ERCC8: variants seen among roughly 807,000 people sequenced by gnomAD.
ERCC8 encodes the protein DNA excision repair protein ERCC-8.
Under a neutral mutation model 54.9 loss-of-function variants are expected in ERCC8, and 52 were observed. The observed-to-expected ratio is 0.95, with a 90% CI of 0.76 to 1.19. ERCC8 has a LOEUF of 1.19. Ranked by LOEUF, ERCC8 falls within the 50% of genes most tolerant of loss-of-function variation. The probability of loss-of-function intolerance (pLI) is 0.00; values close to 1 mark genes in which losing one functional copy is unlikely to be tolerated. For synonymous variants in ERCC8, 146 were observed against 157.2 expected (o/e 0.93, Z 0.53); for missense variants, 514 against 466.1 (o/e 1.10, Z -0.95).
chr5:60,876,257 A>G (rs1003067159), intron 11 of ERCC8, among the ~76,000 whole-genome samples: 1 of 152,048 alleles, frequency 6.6e-6, no homozygotes, highest in Non-Finnish European at 1.5e-5. Flanking sequence ...TATGTGCCAC[A>G]TTTTCTTAAT....
intron 11 of ERCC8, among the ~76,000 whole-genome samples, chr5:60,878,969 C>G (rs936833376): frequency 6.6e-5 from 10 of 151,702 alleles, no homozygotes; most frequent in African/African-American, 2.2e-4. Flanking sequence ...TTAGGGTGTC[C>G]ATTTTAGATC....
At chr5:60,892,105 G>A in intron 9 of ERCC8, 1 of 525,952 alleles carries the variant, frequency 1.9e-6, no homozygotes, top group East Asian at 5.1e-5. Context: ...CTGCAGTACT[G>A]GGCAGCAGTC....
At position 60,890,945 on chromosome 5, in the gene ERCC8, T is replaced by C. The variant is rs747530954; in HGVS notation, c.985A>G (p.Met329Val). 3.1e-6 allele frequency: 5 copies of C among 1,613,644 alleles called. No individual in the cohort carries two copies. The highest frequency in any genetic ancestry group is 4.2e-6 in the Non-Finnish European group (5 of 1,179,700). The change falls in exon 10 of 12, where the codon ATG (methionine) becomes GTG (valine). Residue 329 changes from methionine to valine, a missense_variant. Coordinates refer to ENST00000676185, the MANE Select transcript of ERCC8 (RefSeq NM_000082.4). ...YTVYSGEQIT[M>V]LKGHYKTVDC... ...ACAGTTTTATAATGTCCCTTAAGCA[T>C]AGTTATCTGTTCTCCTGAGTAAACT...
At chr5:60,938,044 C>T (rs2694520) in intron 1 of ERCC8, among the ~76,000 whole-genome samples, 1,035 of 16,052 alleles carry the variant, frequency 0.064, 5 homozygotes, top group Non-Finnish European at 0.087. Context: ...TACATACATA[C>T]ATACATATAT....
chr5:60,908,993 A>G (rs1300514729), intron 4 of ERCC8, among the ~76,000 whole-genome samples: 6 of 152,246 alleles, frequency 3.9e-5, no homozygotes, highest in African/African-American at 1.4e-4. Context: ...CAAAGTCAGT[A>G]TAGTCATTAT....
rs139988049 is a variant in ERCC8, at chr5:60,928,731, C to A, written c.173+133G>T. The A allele has an allele frequency of 4.3e-4, 252 of 580,284 alleles. 3 individuals are homozygous for A. The East Asian group carries it at 7.1e-3, about 16-fold the overall frequency. 35.9% of individuals were successfully genotyped at this position (580,284 alleles called of 1,614,324 possible). ...TTGTATTTACTTGAAATTAATAATG[C>A]CAGATTCAAAAATGCTACAATTTAG... On this transcript the variant is annotated intron_variant, in intron 2 of 11. Coordinates refer to ENST00000676185, the MANE Select transcript of ERCC8 (RefSeq NM_000082.4).
At chr5:60,881,664 G>A (rs766753800) in intron 11 of ERCC8, among the ~76,000 whole-genome samples, 2 of 152,218 alleles carry the variant, frequency 1.3e-5, no homozygotes, top group Non-Finnish European at 2.9e-5. Context: ...CGAGCCAGGC[G>A]CAGGATATAA....
At chr5:60,878,040 C>T (rs1056584521) in intron 11 of ERCC8, among the ~76,000 whole-genome samples, 54 of 152,260 alleles carry the variant, frequency 3.5e-4, no homozygotes, top group Admixed American at 5.2e-4. Context: ...TTTTGAGATA[C>T]GTCCCATCAA....
At chr5:60,926,696 G>A (rs1438972158) in intron 2 of ERCC8, among the ~76,000 whole-genome samples, 1 of 152,172 alleles carries the variant, frequency 6.6e-6, no homozygotes, top group East Asian at 1.9e-4. Context: ...TTGATAAAAT[G>A]TTTGGACACA....
chr5:60,888,649 T>C (rs979847685), intron 10 of ERCC8, among the ~76,000 whole-genome samples: 1 of 152,202 alleles, frequency 6.6e-6, no homozygotes, highest in Non-Finnish European at 1.5e-5. Flanking sequence ...CTGTGATAGA[T>C]GGAGGAGTTC....
At position 60,941,946 on chromosome 5, in the gene ERCC8, A is replaced by G. The variant is rs1750270192; in HGVS notation, c.77+2986T>C. Among the ~76,000 whole-genome samples the G allele has an allele frequency of 2.6e-5, 4 of 152,324 alleles. No homozygotes were observed. In the South Asian group the frequency reaches 8.3e-4, roughly 32 times the overall value. The stretch of plus-strand genomic sequence containing the variant: ...GATAGAGTATATAATGTATGTAAAT[A>G]TAAAATATAAGACAACAATATATAT... On this transcript the variant is annotated intron_variant, in intron 1 of 11. Coordinates refer to ENST00000676185, the MANE Select transcript of ERCC8 (RefSeq NM_000082.4).
intron 1 of ERCC8, among the ~76,000 whole-genome samples, chr5:60,936,200 T>C (rs1308382621): frequency 6.6e-6 from 1 of 152,224 alleles, no homozygotes; most frequent in African/African-American, 2.4e-5. Flanking sequence ...TCATTGCTTG[T>C]TGCTGGTCTG....
At chr5:60,891,108 G>A (rs1242908213) in intron 9 of ERCC8, 22 bp from the exon 10 acceptor site, 1 of 1,455,720 alleles carries the variant, frequency 6.9e-7, no homozygotes, top group Admixed American at 1.7e-5. Flanking sequence ...AAATAATAAG[G>A]TTACTCATCT....
At chr5:60,897,643 G>A (rs763247709) in intron 9 of ERCC8, among the ~76,000 whole-genome samples, 11 of 152,162 alleles carry the variant, frequency 7.2e-5, no homozygotes, top group South Asian at 6.2e-4. Context: ...TAGCACCTTC[G>A]AAATATATTT....
At chr5:60,936,549 T>C (rs1257812984) in intron 1 of ERCC8, among the ~76,000 whole-genome samples, 2 of 152,286 alleles carry the variant, frequency 1.3e-5, no homozygotes, top group East Asian at 3.9e-4. Flanking sequence ...TTGGTTATTT[T>C]TTTTCTTCTG....
At chr5:60,892,319 G>T in intron 9 of ERCC8, 1 of 557,844 alleles carries the variant, frequency 1.8e-6, no homozygotes, top group Non-Finnish European at 3.6e-6. Flanking sequence ...GAGTGGGTCT[G>T]TGTCACCCAA....
At chr5:60,876,353 T>C (rs1188519756) in intron 11 of ERCC8, among the ~76,000 whole-genome samples, 3 of 152,226 alleles carry the variant, frequency 2.0e-5, no homozygotes, top group Admixed American at 1.3e-4. Flanking sequence ...TGTGCATGTG[T>C]CTTTATAGCA....
chr5:60,869,180 C>G lies in ERCC8; in HGVS notation c.*5435G>C, dbSNP rs1270434181. 6.6e-6 allele frequency among the ~76,000 whole-genome samples: 1 copy of G among 152,132 alleles called. No homozygotes were observed. Among genetic ancestry groups the G allele is most frequent in the Non-Finnish European group, 1.5e-5 (1 of 68,024 alleles). ...CTTCTCTAGTCTTCAGTAGTTATAT[C>G]ATTTTTATAGAAATAACAAAGTATT... is the stretch of plus-strand genomic sequence containing the variant. On this transcript the variant is annotated 3_prime_UTR_variant, in exon 12 of 12. Transcript: ENST00000676185.
At chr5:60,921,940 T>C (rs1201834038) in intron 3 of ERCC8, 114 bp downstream of exon 3, 4 of 662,540 alleles carry the variant, frequency 6.0e-6, no homozygotes, top group African/African-American at 3.6e-5. Flanking sequence ...AAATGTGTTA[T>C]GTGAACCATT....
Sources: allele counts gnomAD v4.1 joint callset (sites outside exome capture counted in the v4.1 genomes callset), GRCh38; gene constraint gnomAD v4.1.1; transcripts MANE v1.5; gene names NCBI Gene and HGNC (gene_info 2026-07-23, HGNC 2026-07-21).